The following SHC4 variants were observed in gnomAD, a reference collection of about 807,000 sequenced individuals.
SHC4 encodes the protein SHC-transforming protein 4.
A neutral mutation model predicts 69.4 loss-of-function variants in SHC4; 41 were observed. The ratio of observed to expected loss-of-function variants is 0.59; its 90% CI spans 0.46 to 0.77. SHC4 has a LOEUF of 0.77. Among genes scored for constraint, SHC4 ranks in the 30% least tolerant of loss-of-function variants. SHC4 has a pLI of 0.00. For missense variants in SHC4, 777 were observed against 783.8 expected, an observed-to-expected ratio of 0.99 and a Z score of 0.10; for synonymous variants, 318 against 299.3, an observed-to-expected ratio of 1.06 and a Z score of -0.64.
At chr15:48,886,408 T>C (rs1326774690) in intron 3 of SHC4, among the ~76,000 whole-genome samples, 1 of 152,172 alleles carries the variant, frequency 6.6e-6, no homozygotes, top group African/African-American at 2.4e-5. Flanking sequence ...ATGTCCAAAA[T>C]GTATTTATTA....
chr15:48,963,155 C>T lies in SHC4; in HGVS notation c.-140G>A. 1 of 870,198 alleles carries T rather than the reference C, an allele frequency of 1.1e-6. No homozygotes were observed. The highest frequency in any genetic ancestry group is 1.7e-6 in the Non-Finnish European group (1 of 580,780). The allele number at this position is 870,198 out of a possible 1,614,324, so 53.9% of individuals were successfully genotyped here. On this transcript the variant is annotated 5_prime_UTR_variant, in exon 1 of 12. Transcript: ENST00000332408. ...CTCCAACTCTGCTCTCGAGCTCGCC[C>T]ACCTCGGCTCCCGGCCCCTTAAGGG...
intron 8 of SHC4, among the ~76,000 whole-genome samples, chr15:48,852,272 G>C (rs546954026): frequency 6.6e-6 from 1 of 152,094 alleles, no homozygotes; most frequent in Non-Finnish European, 1.5e-5. Context: ...GTGGTGGTAG[G>C]GCAGGGCTTG....
intron 8 of SHC4, among the ~76,000 whole-genome samples, chr15:48,855,039 G>C (rs528545569): frequency 1.3e-5 from 2 of 152,104 alleles, no homozygotes; most frequent in African/African-American, 4.8e-5. Context: ...TGAGAGTGAA[G>C]GGTGGGAGGA....
At chr15:48,946,913 TG>T (rs1901287137) in intron 1 of SHC4, among the ~76,000 whole-genome samples, 1 of 151,830 alleles carries the variant, frequency 6.6e-6, no homozygotes, top group African/African-American at 2.4e-5. Context: ...CCTCTGCATT[TG>T]AAAAGGTTGA....
At chr15:48,914,188 C>G (rs1236242494) in intron 2 of SHC4, among the ~76,000 whole-genome samples, 1 of 152,238 alleles carries the variant, frequency 6.6e-6, no homozygotes, top group African/African-American at 2.4e-5. Context: ...AAGACTTGAG[C>G]CTTTCGCTTG....
At chr15:48,883,950 T>G (rs1759915415) in intron 4 of SHC4, among the ~76,000 whole-genome samples, 1 of 152,216 alleles carries the variant, frequency 6.6e-6, no homozygotes. Flanking sequence ...GGTGGAGACA[T>G]CAATGACCAA....
chr15:48,859,036 C>G (rs769603872), intron 6 of SHC4, among the ~76,000 whole-genome samples: 1 of 152,098 alleles, frequency 6.6e-6, no homozygotes, highest in Admixed American at 6.6e-5. Flanking sequence ...GAGAGACAAC[C>G]GTCTTTATGG....
At chr15:48,826,171 T>C in intron 11 of SHC4, 45 bp from the exon 12 acceptor site, 1 of 1,547,584 alleles carries the variant, frequency 6.5e-7, no homozygotes, top group Non-Finnish European at 8.8e-7. Flanking sequence ...TTATAGTAGT[T>C]CTCCTGAAAG....
At chr15:48,892,498 CTTGG>C (rs1371785650) in intron 2 of SHC4, among the ~76,000 whole-genome samples, 3 of 152,112 alleles carry the variant, frequency 2.0e-5, no homozygotes, top group Non-Finnish European at 4.4e-5. Flanking sequence ...GGCCCTCTGG[CTTGG>C]TTGGTTGATT....
chr15:48,939,316 C>T (rs761900982), intron 1 of SHC4, among the ~76,000 whole-genome samples: 19 of 152,172 alleles, frequency 1.2e-4, no homozygotes, highest in Non-Finnish European at 2.4e-4. Flanking sequence ...AGAGGAAGGA[C>T]GCTGGGGCGA....
rs12324617 is a variant in SHC4, at chr15:48,871,563, G to A, written c.894+526C>T. On this transcript the variant is annotated intron_variant, in intron 5 of 11. Coordinates refer to ENST00000332408, the MANE Select transcript of SHC4 (RefSeq NM_203349.4). ...AATTTCTGGGAAGTGAGTATCACAT[G>A]ACCCCATCTTGGTAGAGAAGAACTA... Among the ~76,000 whole-genome samples, 618 of 152,294 alleles carry A rather than the reference G, an allele frequency of 4.1e-3. 2 individuals carry two copies. The highest frequency in any genetic ancestry group is 0.014 in the African/African-American group (602 of 41,556).
Position 48,880,369 on chromosome 15 carries a change from G to A in SHC4, c.840+3879C>T, listed in dbSNP as rs191867793. ...CTCTTCCACTGCTTTCTCAATTAGCGTGCAGCTACGGTCAGATGAGTGTGG... is the reference window on the plus strand; with the variant it reads ...CTCTTCCACTGCTTTCTCAATTAGCATGCAGCTACGGTCAGATGAGTGTGG... On this transcript the variant is annotated intron_variant, in intron 4 of 11. Coordinates refer to ENST00000332408, the MANE Select transcript of SHC4 (RefSeq NM_203349.4). Among the ~76,000 whole-genome samples the A allele has an allele frequency of 8.3e-4, 126 of 152,278 alleles. No homozygotes were observed. The South Asian group carries it at 0.012, about 14-fold the overall frequency.
intron 4 of SHC4, among the ~76,000 whole-genome samples, chr15:48,875,555 GC>G (rs1256165407): frequency 6.6e-6 from 1 of 152,196 alleles, no homozygotes; most frequent in Non-Finnish European, 1.5e-5. Flanking sequence ...GGATAATGAG[GC>G]ACAATTGTTA....
chr15:48,918,823 T>G (rs1900680294), intron 2 of SHC4, among the ~76,000 whole-genome samples: 1 of 152,234 alleles, frequency 6.6e-6, no homozygotes, highest in Admixed American at 6.5e-5. Context: ...AAATTTTGAT[T>G]TTTTGCTAAT....
At chr15:48,871,341 A>C (rs1899673807) in intron 5 of SHC4, among the ~76,000 whole-genome samples, 1 of 152,226 alleles carries the variant, frequency 6.6e-6, no homozygotes, top group African/African-American at 2.4e-5. Flanking sequence ...GAAAGAGTAC[A>C]ATAAAAAGAC....
chr15:48,903,175 G>A (rs2141012540), intron 2 of SHC4, among the ~76,000 whole-genome samples: 1 of 152,252 alleles, frequency 6.6e-6, no homozygotes, highest in East Asian at 1.9e-4. Flanking sequence ...AGGGACCAGA[G>A]CTGTGCACTT....
intron 2 of SHC4, among the ~76,000 whole-genome samples, chr15:48,901,727 G>A (rs1221955781): frequency 2.0e-5 from 3 of 152,170 alleles, no homozygotes; most frequent in African/African-American, 4.8e-5. Flanking sequence ...TCTGCAGTTA[G>A]CCAGAGTTCA....
At chr15:48,834,026 C>T (rs1004814895) in intron 11 of SHC4, among the ~76,000 whole-genome samples, 1 of 152,176 alleles carries the variant, frequency 6.6e-6, no homozygotes, top group African/African-American at 2.4e-5. Flanking sequence ...GATGTCACCA[C>T]TCACATGGGC....
In SHC4 at chr15:48,878,730, A is replaced by ATAGAGAGTAGT. The variant is rs779304238; in HGVS notation, c.840+5507_840+5517dup. On this transcript the variant is annotated intron_variant, in intron 4 of 11. Coordinates refer to ENST00000332408, the MANE Select transcript of SHC4 (RefSeq NM_203349.4). ...GAACTCGGCTGTGATGAGATTATTG[A>ATAGAGAGTAGT]TAGAGAGTAGTTAGATGCTGTTAAA... The ATAGAGAGTAGT allele has an allele frequency of 1.9e-6, 3 of 1,612,608 alleles. No homozygotes were observed. The South Asian group carries it at 3.3e-5, about 18-fold the overall frequency.
Sources: gnomAD v4.1 joint callset for allele counts (sites outside exome capture counted in the v4.1 genomes callset) on GRCh38, gnomAD v4.1.1 for gene constraint, MANE v1.5 for transcripts, NCBI Gene and HGNC (gene_info 2026-07-23, HGNC 2026-07-21) for gene names.